Variants in STAT5B observed in about 807,000 individuals in gnomAD.
STAT5B encodes transcription factor STAT5B.
A neutral mutation model predicts 107.8 loss-of-function variants in STAT5B; 21 were observed. That is an observed-to-expected ratio of 0.19 (90% CI 0.14 to 0.28). STAT5B has a LOEUF of 0.28. Among genes scored for constraint, STAT5B ranks in the 10% least tolerant of loss-of-function variants. STAT5B has a pLI of 1.00. For synonymous variants in STAT5B, 325 were observed against 401.7 expected (o/e 0.81, Z 2.28); for missense variants, 565 against 1,008.2 (o/e 0.56, Z 5.95).
intron 1 of STAT5B, among the ~76,000 whole-genome samples, chr17:42,256,861 C>CAAAAAAAAAAAAA (rs781345676): frequency 2.2e-5 from 1 of 44,820 alleles, no homozygotes; most frequent in African/African-American, 9.4e-5. Flanking sequence ...GACTCTGTCT[C>CAAAAAAAAAAAAA]AAAAAAAAAA....
chr17:42,263,204 T>A (rs1417332373), intron 1 of STAT5B, among the ~76,000 whole-genome samples: 1 of 150,068 alleles, frequency 6.7e-6, no homozygotes, highest in Non-Finnish European at 1.5e-5. Context: ...CTCCATAAGC[T>A]TCTGTGTAAA....
At chr17:42,248,304 C>T (rs1373473715) in intron 1 of STAT5B, among the ~76,000 whole-genome samples, 2 of 143,500 alleles carry the variant, frequency 1.4e-5, no homozygotes. Context: ...AAATCTTATT[C>T]TAATTCTGAG....
At position 42,227,536 on chromosome 17, in the gene STAT5B, T is replaced by C. The variant is rs749258998; in HGVS notation, c.278A>G (p.Gln93Arg). 6.2e-7 allele frequency: 1 copy of C among 1,613,314 alleles called. No homozygotes were observed. The highest frequency in any genetic ancestry group is 1.1e-5 in the South Asian group (1 of 91,058). The change falls in exon 3 of 19, where the codon CAG becomes CGG. Residue 93 changes from glutamine (Q) to arginine (R), a missense_variant. By Grantham distance (43) the Gln-to-Arg change is conservative. Transcript: ENST00000293328. The part of the protein sequence containing the change: ...LKIKLGHYAT[Q>R]LQNTYDRCPM... Reference sequence around the variant, plus strand: ...CCCAGAGCCCACACCCACCTGGAGCTGTGTGGCATAGTGCCCCAGCTTGAT... The same window carrying C: ...CCCAGAGCCCACACCCACCTGGAGCCGTGTGGCATAGTGCCCCAGCTTGAT...
chr17:42,210,016 G>C (rs1289924258), intron 15 of STAT5B, among the ~76,000 whole-genome samples, 155 bp downstream of exon 15: 1 of 152,046 alleles, frequency 6.6e-6, no homozygotes, highest in African/African-American at 2.4e-5. Context: ...ATTTTTCATA[G>C]GCTGCCTTAT....
At chr17:42,266,296 G>C (rs1273499445) in intron 1 of STAT5B, among the ~76,000 whole-genome samples, 1 of 151,936 alleles carries the variant, frequency 6.6e-6, no homozygotes, top group Non-Finnish European at 1.5e-5. Flanking sequence ...TGGAGGCTGA[G>C]GTGGGAGGAT....
intron 3 of STAT5B, among the ~76,000 whole-genome samples, chr17:42,226,054 C>T (rs1220183180): frequency 6.6e-6 from 1 of 152,162 alleles, no homozygotes; most frequent in Non-Finnish European, 1.5e-5. Flanking sequence ...CCTGCCTCAG[C>T]CTCCCAAGTA....
chr17:42,251,222 G>A (rs2080496897), intron 1 of STAT5B, among the ~76,000 whole-genome samples: 1 of 152,122 alleles, frequency 6.6e-6, no homozygotes, highest in African/African-American at 2.4e-5. Flanking sequence ...AAAAGCTTTA[G>A]ATTGTAAAAG....
upstream of STAT5B, chr17:42,276,508 C>T (rs2080768399): frequency 6.6e-6 from 1 of 150,836 alleles, no homozygotes; most frequent in South Asian, 2.1e-4. This position sits in a 1 kb window ranked among gnomAD's most constrained non-coding sequence, Gnocchi z 4.8. Flanking sequence ...GCCCGGCGCG[C>T]GCTCGCTAGC....
chr17:42,280,372 G>A (rs1475425676), upstream of STAT5B, among the ~76,000 whole-genome samples: 1 of 152,072 alleles, frequency 6.6e-6, no homozygotes, highest in Non-Finnish European at 1.5e-5. Context: ...TTCAGAGGGG[G>A]CAGCTTCCCT....
At position 42,224,690 on chromosome 17, in the gene STAT5B, C is replaced by G. The variant is rs367954603; in HGVS notation, c.375+89G>C. 237 of 1,313,652 alleles carry G rather than the reference C, an allele frequency of 1.8e-4. 3 individuals are homozygous for G. The South Asian group carries it at 2.0e-3, about 11-fold the overall frequency. 81.4% of individuals were successfully genotyped at this position (1,313,652 alleles called of 1,614,324 possible). A position where few individuals can be genotyped will look rare whatever the true frequency, so the allele number is the denominator to read the frequency against. ...CTTTAAAGAGACACCAATAGTGCAC[C>G]CTGAGTCACCTTGACAAAGGTGGGT... On this transcript the variant is annotated intron_variant, in intron 4 of 18. Coordinates refer to ENST00000293328, the MANE Select transcript of STAT5B (RefSeq NM_012448.4).
intron 11 of STAT5B, among the ~76,000 whole-genome samples, chr17:42,216,867 TG>T (rs1457723505): frequency 6.6e-6 from 1 of 151,394 alleles, no homozygotes; most frequent in African/African-American, 2.4e-5. Flanking sequence ...TTAGTAGAGA[TG>T]GGGTTTCACT....
chr17:42,261,762 G>A lies in STAT5B; in HGVS notation c.-11+14486C>T, dbSNP rs868202268. Among the ~76,000 whole-genome samples the A allele has an allele frequency of 2.0e-5, 3 of 152,156 alleles. No individual in the cohort carries two copies. The South Asian group carries it at 6.2e-4, about 32-fold the overall frequency. On this transcript the variant is annotated intron_variant, in intron 1 of 18. Transcript: ENST00000293328. Reference sequence around the variant, plus strand: ...TTTTATAGAGATGAGGTTTCACCATGTTGCCCAGGATACTTTTGAACCCCT... The same window carrying A: ...TTTTATAGAGATGAGGTTTCACCATATTGCCCAGGATACTTTTGAACCCCT...
At chr17:42,220,200 C>G (rs993568794) in intron 5 of STAT5B, among the ~76,000 whole-genome samples, 1 of 152,330 alleles carries the variant, frequency 6.6e-6, no homozygotes, top group South Asian at 2.1e-4. Context: ...GTGCCCATGC[C>G]CTTGACTGCA....
At chr17:42,263,910 C>G (rs952425540) in intron 1 of STAT5B, among the ~76,000 whole-genome samples, 11 of 145,732 alleles carry the variant, frequency 7.5e-5, no homozygotes, top group Non-Finnish European at 1.4e-4. Context: ...CACACACACA[C>G]AGGGAACTCC....
At chr17:42,203,864 T>C (rs1228720695) in intron 16 of STAT5B, among the ~76,000 whole-genome samples, 1 of 152,058 alleles carries the variant, frequency 6.6e-6, no homozygotes, top group African/African-American at 2.4e-5. Context: ...TGACCTCAAG[T>C]GATCCACCCG....
rs377601290 is a variant in STAT5B, at chr17:42,219,756, C to A, written c.637G>T (p.Ala213Ser). The A allele has an allele frequency of 5.2e-5, 83 of 1,610,324 alleles. No individual in the cohort carries two copies. The highest frequency in any genetic ancestry group is 6.7e-5 in the Non-Finnish European group (79 of 1,178,676). Residue 213 changes from alanine to serine, a missense_variant, in exon 6 of 19, where the codon GCC becomes TCC. By Grantham distance (99) the Ala-to-Ser change is moderately conservative. Around this residue, in one of 11 missense-constraint regions of STAT5B, gnomAD observed 56 missense variants for 104.5 expected, o/e 0.54. Coordinates refer to ENST00000293328, the MANE Select transcript of STAT5B (RefSeq NM_012448.4). ...GTCTGTGCCTCACGCTGCAACCAGG[C>A]CTCCAGAGACACCTGCTTCTGCTGG... ...ALQQKQVSLE[A>S]WLQREAQTLQ...
At chr17:42,246,200 G>A (rs2080450473) in intron 1 of STAT5B, among the ~76,000 whole-genome samples, 1 of 151,968 alleles carries the variant, frequency 6.6e-6, no homozygotes. Flanking sequence ...TATCCCACAG[G>A]AACCAAGTTT....
intron 8 of STAT5B, 31 bp from the exon 9 acceptor site, chr17:42,218,361 GA>G: frequency 6.2e-7 from 1 of 1,606,980 alleles, no homozygotes; most frequent in Non-Finnish European, 8.5e-7. Flanking sequence ...GATGCATGAT[GA>G]GGGGCTGGTG....
intron 2 of STAT5B, 90 bp downstream of exon 2, chr17:42,231,909 CT>C: frequency 6.3e-7 from 1 of 1,579,108 alleles, no homozygotes; most frequent in East Asian, 2.3e-5. Context: ...AAAAATACAA[CT>C]TTGAAAGTTG....
Sources: allele counts gnomAD v4.1 joint callset (sites outside exome capture counted in the v4.1 genomes callset), GRCh38; gene constraint gnomAD v4.1.1; regional missense constraint gnomAD v4.1.1; non-coding constraint Gnocchi (gnomAD v3.1); transcripts MANE v1.5; gene names NCBI Gene and HGNC (gene_info 2026-07-23, HGNC 2026-07-21).